Variants in PRKAR1B observed in about 807,000 individuals in gnomAD.
The protein encoded by PRKAR1B is protein kinase cAMP-dependent type I regulatory subunit beta.
In PRKAR1B, 22 loss-of-function variants were observed where a neutral mutation model predicts 46.5. The observed-to-expected ratio is 0.47, with a 90% CI of 0.34 to 0.68. PRKAR1B has a LOEUF of 0.68. PRKAR1B is among the 30% of genes least tolerant of loss of function. The probability of loss-of-function intolerance (pLI) is 0.01; values close to 1 mark genes in which losing one functional copy is unlikely to be tolerated. For synonymous variants in PRKAR1B, 259 were observed against 217.7 expected, an observed-to-expected ratio of 1.19 and a Z score of -1.67; for missense variants, 445 against 535.6, an observed-to-expected ratio of 0.83 and a Z score of 1.67.
chr7:695,727 G>T (rs1402075980), intron 2 of PRKAR1B, among the ~76,000 whole-genome samples: 1 of 151,924 alleles, frequency 6.6e-6, no homozygotes, highest in Non-Finnish European at 1.5e-5. Context: ...GTAGTGGCGT[G>T]ATCTCAGCTC....
chr7:712,156 C>G (rs1447760534), intron 1 of PRKAR1B, among the ~76,000 whole-genome samples: 1 of 150,914 alleles, frequency 6.6e-6, no homozygotes, highest in African/African-American at 2.4e-5. Flanking sequence ...GCGCAGGACC[C>G]CAGCCCCCCG....
At chr7:669,867 A>ATTTTTTT (rs570284003) in intron 4 of PRKAR1B, among the ~76,000 whole-genome samples, 1 of 131,436 alleles carries the variant, frequency 7.6e-6, no homozygotes, top group East Asian at 2.2e-4. Flanking sequence ...CACGTGCCAT[A>ATTTTTTT]TTTTTTTTTT....
At chr7:687,877 C>A (rs913230239) in intron 2 of PRKAR1B, among the ~76,000 whole-genome samples, 1 of 151,956 alleles carries the variant, frequency 6.6e-6, no homozygotes, top group Non-Finnish European at 1.5e-5. Flanking sequence ...AGGCGGATCA[C>A]CTGAGGTCAG....
intron 8 of PRKAR1B, among the ~76,000 whole-genome samples, chr7:582,609 G>C (rs1290303706): frequency 1.3e-5 from 2 of 152,256 alleles, no homozygotes; most frequent in African/African-American, 2.4e-5. Flanking sequence ...CTAAGAGCCC[G>C]GGACGCAGGA....
Position 560,131 on chromosome 7 carries a change from C to T in PRKAR1B, c.892-8661G>A, listed in dbSNP as rs971143408. ...CGTGTTGTGGGAGGGACCCAGGGGG[C>T]GGTAACTGAATCATGGCATGGGGTG... On this transcript the variant is annotated intron_variant, in intron 9 of 10. Transcript: ENST00000537384. This position sits in a 1 kb window ranked among gnomAD's most constrained non-coding sequence, Gnocchi z 4.2. Among the ~76,000 whole-genome samples, 17 of 152,008 alleles carry T rather than the reference C, an allele frequency of 1.1e-4. No homozygotes were observed. The highest frequency in any genetic ancestry group is 3.3e-4 in the Admixed American group (5 of 15,258).
intron 4 of PRKAR1B, among the ~76,000 whole-genome samples, chr7:619,648 C>T (rs1783007630): frequency 6.6e-6 from 1 of 152,246 alleles, no homozygotes; most frequent in Admixed American, 6.5e-5. Flanking sequence ...TGCACCTCCT[C>T]TCAGCTCTCG....
intron 9 of PRKAR1B, among the ~76,000 whole-genome samples, chr7:553,593 G>T (rs150254708): frequency 1.3e-5 from 2 of 152,182 alleles, no homozygotes; most frequent in African/African-American, 4.8e-5. Context: ...GGCAGACGGC[G>T]GCCCTCTGAG....
intron 4 of PRKAR1B, among the ~76,000 whole-genome samples, chr7:676,425 G>A (rs561804266): frequency 6.3e-4 from 96 of 152,248 alleles, no homozygotes; most frequent in African/African-American, 9.1e-4. Context: ...GGTACATCCC[G>A]GCCCCATCTC....
chr7:701,538 G>T (rs1780070249), intron 2 of PRKAR1B, among the ~76,000 whole-genome samples: 1 of 152,042 alleles, frequency 6.6e-6, no homozygotes, highest in Non-Finnish European at 1.5e-5. Context: ...AAGATCAAAG[G>T]AAAACAAGAG....
intron 2 of PRKAR1B, among the ~76,000 whole-genome samples, chr7:695,268 C>G (rs944383278): frequency 1.3e-5 from 2 of 152,148 alleles, no homozygotes; most frequent in Admixed American, 1.3e-4. Flanking sequence ...CTCTGCCAAC[C>G]GCAGCCCAGA....
intron 9 of PRKAR1B, among the ~76,000 whole-genome samples, chr7:551,900 C>CT (rs1784238505): frequency 5.0e-4 from 21 of 41,654 alleles, no homozygotes; most frequent in African/African-American, 1.5e-3. Flanking sequence ...AGGTCCTTCT[C>CT]CAGAGCCACT....
chr7:577,699 C>T (rs766041753), intron 9 of PRKAR1B, among the ~76,000 whole-genome samples: 1 of 152,212 alleles, frequency 6.6e-6, no homozygotes, highest in Non-Finnish European at 1.5e-5. Flanking sequence ...TTCAGATCGC[C>T]GGGCAGGCCA....
rs755052031 is a variant in PRKAR1B at position 701,537 on chromosome 7, G to A, written c.177+9792C>T. 8.6e-4 allele frequency among the ~76,000 whole-genome samples: 130 copies of A among 152,030 alleles called. 2 individuals carry two copies. Among genetic ancestry groups the A allele is most frequent in the Non-Finnish European group, 2.1e-4 (14 of 67,984 alleles). On this transcript the variant is annotated intron_variant, in intron 2 of 10. Transcript: ENST00000537384. ...ATAAATATTCAGATTCAAGATCAAAGGAAAACAAGAGAAACTCAAAGAAAA... is the reference window on the plus strand; with the variant it reads ...ATAAATATTCAGATTCAAGATCAAAAGAAAACAAGAGAAACTCAAAGAAAA...
intron 1 of PRKAR1B, among the ~76,000 whole-genome samples, chr7:723,176 G>T (rs1781132556): frequency 6.6e-6 from 1 of 152,214 alleles, no homozygotes; most frequent in African/African-American, 2.4e-5. Context: ...GTGCAGTGCA[G>T]ACTGTCCACT....
At chr7:592,916 G>A (rs1781065218) in intron 7 of PRKAR1B, among the ~76,000 whole-genome samples, 2 of 152,198 alleles carry the variant, frequency 1.3e-5, no homozygotes, top group Admixed American at 1.3e-4. Context: ...CACGCCTGTA[G>A]TCCCAGCTAC....
chr7:584,673 C>A (rs928390990), intron 7 of PRKAR1B, 105 bp from the exon 8 acceptor site: 8 of 984,080 alleles, frequency 8.1e-6, no homozygotes, highest in Non-Finnish European at 9.4e-6. Context: ...TTAAATGAGA[C>A]CCTCCAAGCA....
intron 4 of PRKAR1B, among the ~76,000 whole-genome samples, chr7:613,916 A>G (rs1782663642): frequency 6.6e-6 from 1 of 152,242 alleles, no homozygotes; most frequent in Admixed American, 6.5e-5. Flanking sequence ...CTGCGGAGCC[A>G]AGAGGGTGCA....
intron 4 of PRKAR1B, among the ~76,000 whole-genome samples, chr7:630,392 T>A (rs1583325387): frequency 1.3e-5 from 2 of 152,124 alleles, no homozygotes; most frequent in African/African-American, 2.4e-5. Context: ...TGCTGGCAGG[T>A]GGCAGGCAGG....
chr7:710,484 G>C (rs1211735590), intron 2 of PRKAR1B, among the ~76,000 whole-genome samples: 7 of 152,072 alleles, frequency 4.6e-5, no homozygotes, highest in Non-Finnish European at 5.9e-5. Context: ...GGAAGGGGGT[G>C]AGAGGCATCA....
Sources: allele counts gnomAD v4.1 joint callset (sites outside exome capture counted in the v4.1 genomes callset), GRCh38; gene constraint gnomAD v4.1.1; non-coding constraint Gnocchi (gnomAD v3.1); transcripts MANE v1.5; gene names NCBI Gene and HGNC (gene_info 2026-07-23, HGNC 2026-07-21).